AUTS2: variants seen among roughly 807,000 people sequenced by gnomAD.
AUTS2 encodes the protein activator of transcription and developmental regulator AUTS2.
In AUTS2, 17 loss-of-function variants were observed where a neutral mutation model predicts 112.4. The ratio of observed to expected loss-of-function variants is 0.15; its 90% CI spans 0.10 to 0.23. AUTS2 has a LOEUF of 0.23. Among genes scored for constraint, AUTS2 ranks in the 10% least tolerant of loss-of-function variants. AUTS2 has a pLI of 1.00. For missense variants in AUTS2, 1,510 were observed against 1,701.6 expected, an observed-to-expected ratio of 0.89 and a Z score of 1.98; for synonymous variants, 751 against 702.7, an observed-to-expected ratio of 1.07 and a Z score of -1.09.
At chr7:70,634,534 A>G (rs540197803) in intron 5 of AUTS2, among the ~76,000 whole-genome samples, 1 of 152,306 alleles carries the variant, frequency 6.6e-6, no homozygotes, top group East Asian at 1.9e-4. Context: ...TCTAGAGTGC[A>G]TGCATTCAGA....
intron 2 of AUTS2, among the ~76,000 whole-genome samples, chr7:70,090,576 C>T (rs951208711): frequency 2.0e-5 from 3 of 151,736 alleles, no homozygotes; most frequent in Non-Finnish European, 1.5e-5. Context: ...ATTGGCCAGG[C>T]TGCTAGCTGT....
intron 5 of AUTS2, among the ~76,000 whole-genome samples, chr7:70,592,991 G>A (rs1167899035): frequency 2.6e-5 from 4 of 151,852 alleles, no homozygotes; most frequent in Non-Finnish European, 5.9e-5. Flanking sequence ...CTGGGACTAC[G>A]GGCACAATCC....
At chr7:69,654,652 A>G (rs1179776482) in intron 1 of AUTS2, among the ~76,000 whole-genome samples, 1 of 152,198 alleles carries the variant, frequency 6.6e-6, no homozygotes, top group Non-Finnish European at 1.5e-5. Context: ...GCTCTTGTCC[A>G]ACTACTCAGG....
intron 6 of AUTS2, among the ~76,000 whole-genome samples, chr7:70,704,419 G>A (rs1809627653): frequency 6.6e-6 from 1 of 152,156 alleles, no homozygotes; most frequent in Non-Finnish European, 1.5e-5. Context: ...ACATCACTCT[G>A]GTTACTTTTG....
chr7:70,397,078 T>C (rs1794120327), intron 4 of AUTS2, among the ~76,000 whole-genome samples: 1 of 152,078 alleles, frequency 6.6e-6, no homozygotes, highest in Non-Finnish European at 1.5e-5. Context: ...TTTTTTTTTT[T>C]TTGAGATGGA....
At position 70,792,653 on chromosome 7, in the gene AUTS2, C is replaced by A. The variant is rs1792049717; in HGVS notation, c.*1657C>A. 1 of 145,774 alleles carries A rather than the reference C, an allele frequency of 6.9e-6. No homozygotes were observed. Among genetic ancestry groups the A allele is most frequent in the Admixed American group, 6.9e-5 (1 of 14,504 alleles). The allele number at this position is 145,774 out of a possible 1,614,324, so 9.0% of individuals were successfully genotyped here. Reference sequence around the variant, plus strand: ...TTTAAGACAACAACTAAAAAAAATGCAAGGAATATGTACACTGGAACTGTA... The same window carrying A: ...TTTAAGACAACAACTAAAAAAAATGAAAGGAATATGTACACTGGAACTGTA... On this transcript the variant is annotated 3_prime_UTR_variant, in exon 19 of 19. Transcript: ENST00000342771.
intron 2 of AUTS2, among the ~76,000 whole-genome samples, chr7:70,048,838 T>C (rs765741263): frequency 1.3e-5 from 2 of 152,228 alleles, no homozygotes; most frequent in Non-Finnish European, 2.9e-5. Context: ...ATATCCATAG[T>C]CTGACCACCC....
chr7:70,436,299 G>A (rs940488142), intron 5 of AUTS2: 3 of 152,682 alleles, frequency 2.0e-5, no homozygotes, highest in Admixed American at 6.5e-5. Flanking sequence ...CTTCCCATCC[G>A]GGCGGACCGC....
At chr7:70,528,633 C>T (rs565283496) in intron 5 of AUTS2, among the ~76,000 whole-genome samples, 4 of 151,684 alleles carry the variant, frequency 2.6e-5, no homozygotes, top group Admixed American at 6.6e-5. Context: ...CATCTAGTGC[C>T]GGGCACAGTG....
chr7:69,745,892 G>A (rs1787472403), intron 1 of AUTS2, among the ~76,000 whole-genome samples: 1 of 152,078 alleles, frequency 6.6e-6, no homozygotes, highest in Non-Finnish European at 1.5e-5. Flanking sequence ...TTTTCCTTAG[G>A]AGACAAAGTC....
intron 5 of AUTS2, among the ~76,000 whole-genome samples, chr7:70,458,090 C>T (rs1000881908): frequency 1.4e-4 from 22 of 152,108 alleles, no homozygotes; most frequent in Non-Finnish European, 2.1e-4. Flanking sequence ...GCCCTTGAGC[C>T]CACATTCTTC....
chr7:69,966,861 C>T (rs1797653278), intron 2 of AUTS2, among the ~76,000 whole-genome samples: 1 of 152,056 alleles, frequency 6.6e-6, no homozygotes, highest in Non-Finnish European at 1.5e-5. Flanking sequence ...AAAATATTTT[C>T]TTTACGTTTC....
At chr7:69,611,627 TGA>T in intron 1 of AUTS2, among the ~76,000 whole-genome samples, 1 of 152,212 alleles carries the variant, frequency 6.6e-6, no homozygotes, top group Non-Finnish European at 1.5e-5. Context: ...CTACCTCTGT[TGA>T]TCATTTTTTA....
intron 5 of AUTS2, among the ~76,000 whole-genome samples, chr7:70,600,617 A>G (rs1282467044): frequency 6.6e-6 from 1 of 152,082 alleles, no homozygotes; most frequent in African/African-American, 2.4e-5. Context: ...TGTTTAGTAT[A>G]TTTGCAACCC....
At chr7:70,245,490 C>T (rs1305581429) in intron 4 of AUTS2, among the ~76,000 whole-genome samples, 1 of 152,108 alleles carries the variant, frequency 6.6e-6, no homozygotes, top group East Asian at 1.9e-4. Flanking sequence ...TTGTTTTGTA[C>T]ATTCTGTAGA....
intron 5 of AUTS2, among the ~76,000 whole-genome samples, chr7:70,575,102 G>A (rs1047694466): frequency 2.6e-5 from 4 of 152,178 alleles, no homozygotes; most frequent in Non-Finnish European, 2.9e-5. Flanking sequence ...TGCAGACAGC[G>A]AAGGCTTTAT....
At chr7:70,495,704 C>G (rs1218884021) in intron 5 of AUTS2, among the ~76,000 whole-genome samples, 3 of 142,166 alleles carry the variant, frequency 2.1e-5, no homozygotes, top group Admixed American at 7.0e-5. Flanking sequence ...CAGTCACACA[C>G]ACACACACCC....
intron 4 of AUTS2, among the ~76,000 whole-genome samples, chr7:70,386,699 A>G (rs967524043): frequency 6.6e-6 from 1 of 152,170 alleles, no homozygotes; most frequent in Non-Finnish European, 1.5e-5. Flanking sequence ...TACATCTTTT[A>G]TAGTCAGAAA....
At chr7:69,930,980 A>G (rs1796204281) in intron 2 of AUTS2, among the ~76,000 whole-genome samples, 1 of 152,158 alleles carries the variant, frequency 6.6e-6, no homozygotes, top group Non-Finnish European at 1.5e-5. Context: ...TAAAATTTGC[A>G]TGTTTTATAT....
Sources: allele counts gnomAD v4.1 joint callset (sites outside exome capture counted in the v4.1 genomes callset), GRCh38; gene constraint gnomAD v4.1.1; transcripts MANE v1.5; gene names NCBI Gene and HGNC (gene_info 2026-07-23, HGNC 2026-07-21).